EBI3: variants seen among roughly 807,000 people sequenced by gnomAD.
The protein encoded by EBI3 is interleukin-27 subunit beta.
In EBI3, 19 loss-of-function variants were observed where a neutral mutation model predicts 21.3. That is an observed-to-expected ratio of 0.89 (90% CI 0.62 to 1.31). EBI3 has a LOEUF of 1.31. Among genes scored for constraint, EBI3 ranks in the 50% most tolerant of loss-of-function variants. The pLI is 0.00. For missense variants in EBI3, 331 were observed against 314.0 expected (o/e 1.05, Z -0.41); for synonymous variants, 154 against 131.2 (o/e 1.17, Z -1.19).
intron 4 of EBI3, 148 bp downstream of exon 4, chr19:4,234,972 G>A: frequency 8.3e-7 from 1 of 1,200,160 alleles, no homozygotes. Context: ...TGATTCCTAG[G>A]CCTCTACCGA....
intron 3 of EBI3, among the ~76,000 whole-genome samples, chr19:4,233,804 G>A (rs182699813): frequency 2.6e-5 from 4 of 152,266 alleles, no homozygotes; most frequent in Admixed American, 2.0e-4. Flanking sequence ...CCCTCTACCT[G>A]GAACACCTTC....
Position 4,231,294 on chromosome 19 carries a change from C to G in EBI3, c.171C>G (p.Thr57=). ...CCCTGCCGCCTGCTCCAAACTCCAC[C>G]AGCCCCGTGTCCTTCATTGCCACGT... The part of the protein sequence containing the change: ...SWTLPPAPNS[T]SPVSFIATYR... The change falls in exon 2 of 5, where the codon ACC becomes ACG. Residue 57 remains threonine, a synonymous_variant. Coordinates refer to ENST00000221847, the MANE Select transcript of EBI3 (RefSeq NM_005755.3). The G allele has an allele frequency of 2.5e-6, 4 of 1,612,840 alleles. No homozygotes were observed. Among genetic ancestry groups the G allele is most frequent in the Non-Finnish European group, 3.4e-6 (4 of 1,179,666 alleles).
At position 4,229,540 on chromosome 19, in the gene EBI3, T is replaced by G; in HGVS notation, c.-11T>G. On this transcript the variant is annotated 5_prime_UTR_variant, in exon 1 of 5. Coordinates refer to ENST00000221847, the MANE Select transcript of EBI3 (RefSeq NM_005755.3). ...TCCCACCCACTCCTGAGAGCAGAGC[T>G]GGCCGCAGCCATGACCCCGCAGCTT... The G allele has an allele frequency of 6.2e-7, 1 of 1,608,718 alleles. No homozygotes were observed. The highest frequency in any genetic ancestry group is 8.5e-7 in the Non-Finnish European group (1 of 1,177,870).
At chr19:4,232,997 C>G in intron 2 of EBI3, 132 bp from the exon 3 acceptor site, 1 of 1,109,672 alleles carries the variant, frequency 9.0e-7, no homozygotes, top group East Asian at 3.0e-5. Context: ...ACCAGGACCC[C>G]ACCCCGGGAT....
Position 4,234,698 on chromosome 19 carries a change from A to G in EBI3, c.411A>G (p.Leu137=). The G allele has an allele frequency of 1.2e-6, 2 of 1,614,132 alleles. No individual in the cohort carries two copies. The highest frequency in any genetic ancestry group is 1.7e-6 in the Non-Finnish European group (2 of 1,180,024). The part of the protein sequence containing the change: ...IKPDPPEGVR[L]SPLAERQLQV... ...CCGACCCTCCAGAAGGCGTGCGCCT[A>G]AGCCCCCTCGCTGAGCGCCAGCTAC... The change falls in exon 4 of 5, where the codon CTA becomes CTG. Residue 137 remains leucine (L), a synonymous_variant. Coordinates refer to ENST00000221847, the MANE Select transcript of EBI3 (RefSeq NM_005755.3).
At position 4,233,243 on chromosome 19, in the gene EBI3, T is replaced by C. The variant is rs759812082; in HGVS notation, c.315T>C (p.Asn105=). ...QLFSMAPYVL[N]VTAVHPWGSS... The stretch of plus-strand genomic sequence containing the variant: ...TCTCCATGGCTCCCTACGTGCTCAA[T>C]GTCACCGCCGTCCACCCCTGGGGCT... The change falls in exon 3 of 5, where the codon AAT becomes AAC. Residue 105 remains asparagine (N), a synonymous_variant. Coordinates refer to ENST00000221847, the MANE Select transcript of EBI3 (RefSeq NM_005755.3). 2 of 1,612,260 alleles carry C rather than the reference T, an allele frequency of 1.2e-6. No homozygotes were observed. Among genetic ancestry groups the C allele is most frequent in the Non-Finnish European group, 1.7e-6 (2 of 1,179,568 alleles).
At chr19:4,233,340 G>A in intron 3 of EBI3, 33 bp downstream of exon 3, 1 of 1,536,410 alleles carries the variant, frequency 6.5e-7, no homozygotes, top group African/African-American at 1.4e-5. Flanking sequence ...GCGGGGGCGG[G>A]GCTGCCGTCT....
At position 4,233,318 on chromosome 19, in the gene EBI3, G is replaced by A. The variant is rs774560043; in HGVS notation, c.379+11G>A. ...TAACAGAGCACATCAGTGAGTGGGG[G>A]CGGCAGTGGGGGCGGGGGCGGGGCT... is the stretch of plus-strand genomic sequence containing the variant. On this transcript the variant is annotated intron_variant, in intron 3 of 4. Transcript: ENST00000221847. The A allele has an allele frequency of 1.1e-5, 18 of 1,581,160 alleles. No individual in the cohort carries two copies. Among genetic ancestry groups the A allele is most frequent in the Middle Eastern group, 1.9e-4 (1 of 5,386 alleles).
chr19:4,233,132 C>T lies in EBI3; in HGVS notation c.204C>T (p.Leu68=), dbSNP rs1331165918. Residue 68 remains leucine (L), a synonymous_variant, in exon 3 of 5, where the codon CTC becomes CTT. Coordinates refer to ENST00000221847, the MANE Select transcript of EBI3 (RefSeq NM_005755.3). The stretch of plus-strand genomic sequence containing the variant: ...CAGCGAGCCCCACCCTGTGCAGGCT[C>T]GGCATGGCTGCCCGGGGCCACAGCT... The part of the protein sequence containing the change: ...SPVSFIATYR[L]GMAARGHSWP... 10 of 1,590,620 alleles carry T rather than the reference C, an allele frequency of 6.3e-6. No homozygotes were observed. The highest frequency in any genetic ancestry group is 2.2e-5 in the South Asian group (2 of 89,126).
chr19:4,232,619 G>A (rs1970795819), intron 2 of EBI3, among the ~76,000 whole-genome samples: 1 of 151,974 alleles, frequency 6.6e-6, no homozygotes, highest in Non-Finnish European at 1.5e-5. Flanking sequence ...AACCGCTCTG[G>A]AGGCTGAGAC....
chr19:4,236,969 A>G lies in EBI3; in HGVS notation c.571A>G (p.Arg191Gly). The change falls in exon 5 of 5, where the codon AGG (arginine) becomes GGG (glycine). Residue 191 changes from arginine to glycine, a missense_variant. Physicochemically the swap from Arg to Gly is moderately radical, Grantham distance 125. Coordinates refer to ENST00000221847, the MANE Select transcript of EBI3 (RefSeq NM_005755.3). ...CATTGAAGCCACGTCCTTCATCCTC[A>G]GGGCTGTGCGGCCCCGAGCCAGGTA... ...GPIEATSFIL[R>G]AVRPRARYYV... The G allele has an allele frequency of 6.5e-7, 1 of 1,536,842 alleles. No individual in the cohort carries two copies. The highest frequency in any genetic ancestry group is 8.8e-7 in the Non-Finnish European group (1 of 1,137,742).
At chr19:4,236,171 T>C (rs1055309827) in intron 4 of EBI3, among the ~76,000 whole-genome samples, 10 of 151,968 alleles carry the variant, frequency 6.6e-5, no homozygotes, top group African/African-American at 2.2e-4. Context: ...CTGACCAACA[T>C]GGTGAAATCA....
chr19:4,230,934 G>A (rs950724375), intron 1 of EBI3, among the ~76,000 whole-genome samples: 20 of 151,908 alleles, frequency 1.3e-4, no homozygotes, highest in Middle Eastern at 6.8e-3. Context: ...TCTCTTACCC[G>A]AGTTCCTCTC....
intron 1 of EBI3, 148 bp downstream of exon 1, chr19:4,229,765 C>G (rs1568354643): frequency 2.4e-6 from 2 of 841,440 alleles, no homozygotes. Context: ...GATGGAGGAA[C>G]TGAGGCACAG....
chr19:4,232,518 G>C (rs1970794209), intron 2 of EBI3, among the ~76,000 whole-genome samples: 1 of 150,724 alleles, frequency 6.6e-6, no homozygotes, highest in South Asian at 2.1e-4. Flanking sequence ...AGAAGTTCAA[G>C]ACCAGCCTGG....
chr19:4,233,150 C>A lies in EBI3; in HGVS notation c.222C>A (p.Gly74=). Residue 74 remains glycine (G), a synonymous_variant, in exon 3 of 5, where the codon GGC becomes GGA. Coordinates refer to ENST00000221847, the MANE Select transcript of EBI3 (RefSeq NM_005755.3). ...ATYRLGMAAR[G]HSWPCLQQTP... is the part of the protein sequence containing the mutation. ...GCAGGCTCGGCATGGCTGCCCGGGG[C>A]CACAGCTGGCCCTGCCTGCAGCAGA... is the stretch of plus-strand genomic sequence containing the variant. The A allele has an allele frequency of 6.3e-7, 1 of 1,599,638 alleles. No individual in the cohort carries two copies. Among genetic ancestry groups the A allele is most frequent in the Admixed American group, 1.7e-5 (1 of 59,492 alleles).
At position 4,231,101 on chromosome 19, in the gene EBI3, TG is replaced by T. The variant is rs1207582504; in HGVS notation, c.68-88del. 12 of 1,452,154 alleles carry T rather than the reference TG, an allele frequency of 8.3e-6. No individual in the cohort carries two copies. In the African/African-American group the frequency reaches 1.7e-4, roughly 21 times the overall value. 90.0% of individuals were successfully genotyped at this position (1,452,154 alleles called of 1,614,324 possible). A position where few individuals can be genotyped will look rare whatever the true frequency, so the allele number is the denominator to read the frequency against. The stretch of plus-strand genomic sequence containing the variant: ...TAGGCACCTACCATGTACCTGGTGC[TG>T]GCTGGCAACGTGGCAGGAGCCCAGC... On this transcript the variant is annotated intron_variant, in intron 1 of 4. Coordinates refer to ENST00000221847, the MANE Select transcript of EBI3 (RefSeq NM_005755.3).
Position 4,237,076 on chromosome 19 carries a change from C to A in EBI3, c.678C>A (p.Ser226Arg). The change falls in exon 5 of 5, where the codon AGC becomes AGA. Residue 226 changes from serine to arginine, a missense_variant. Ser to Arg is a moderately radical substitution (Grantham distance 110, BLOSUM62 -1). Coordinates refer to ENST00000221847, the MANE Select transcript of EBI3 (RefSeq NM_005755.3). ...DWSLPATATMSLGK is the reference protein window; with the variant it reads ...DWSLPATATMRLGK ...GTCTCCCCGCCACTGCCACAATGAG[C>A]CTGGGCAAGTAGCAAGGGCTTCCCG... 1 of 1,534,070 alleles carries A rather than the reference C, an allele frequency of 6.5e-7. No homozygotes were observed. The highest frequency in any genetic ancestry group is 8.8e-7 in the Non-Finnish European group (1 of 1,135,684).
chr19:4,232,979 C>G, intron 2 of EBI3, 150 bp from the exon 3 acceptor site: 2 of 872,488 alleles, frequency 2.3e-6, no homozygotes. Flanking sequence ...GGGGGTGGCA[C>G]GGCCACCACC....
Sources: allele counts gnomAD v4.1 joint callset (sites outside exome capture counted in the v4.1 genomes callset), GRCh38; gene constraint gnomAD v4.1.1; transcripts MANE v1.5; gene names NCBI Gene and HGNC (gene_info 2026-07-23, HGNC 2026-07-21).